UNC80: variants seen among roughly 807,000 people sequenced by gnomAD.
UNC80 encodes unc-80 subunit of NALCN channel complex.
UNC80 carries 164 observed loss-of-function variants against 384.6 expected under a neutral mutation model. The observed-to-expected ratio is 0.43, with a 90% CI of 0.38 to 0.49. The LOEUF is 0.49. Among genes scored for constraint, UNC80 ranks in the 20% least tolerant of loss-of-function variants. The pLI is 0.00. For missense variants in UNC80, 3,330 were observed against 4,143.0 expected, an observed-to-expected ratio of 0.80 and a Z score of 5.39; for synonymous variants, 1,486 against 1,527.8, an observed-to-expected ratio of 0.97 and a Z score of 0.64.
chr2:209,819,513 A>T (rs1366442394), intron 12 of UNC80, among the ~76,000 whole-genome samples: 2 of 152,154 alleles, frequency 1.3e-5, no homozygotes, highest in East Asian at 3.9e-4. Context: ...GTGAATCCTG[A>T]ATATACATAT....
chr2:209,846,731 T>G (rs577699602), intron 21 of UNC80, among the ~76,000 whole-genome samples: 6 of 152,164 alleles, frequency 3.9e-5, no homozygotes, highest in Admixed American at 2.0e-4. Flanking sequence ...GCTAAAAAAG[T>G]AATCGTTATG....
At chr2:209,842,958 A>G (rs1218924052) in intron 21 of UNC80, among the ~76,000 whole-genome samples, 1 of 152,198 alleles carries the variant, frequency 6.6e-6, no homozygotes, top group Admixed American at 6.5e-5. Context: ...CCTAGTTATG[A>G]TGTCTGTACC....
intron 28 of UNC80, among the ~76,000 whole-genome samples, chr2:209,903,886 T>C (rs554315200): frequency 3.3e-5 from 5 of 151,864 alleles, no homozygotes; most frequent in South Asian, 2.1e-4. Context: ...TGTGCTCTCT[T>C]TGTGTTCAAT....
Position 209,978,605 on chromosome 2 carries a change from C to T in UNC80, c.9015C>T (p.Ser3005=), listed in dbSNP as rs2125019229. The T allele has an allele frequency of 1.3e-6, 2 of 1,551,606 alleles. No individual in the cohort carries two copies. The highest frequency in any genetic ancestry group is 1.7e-4 in the Middle Eastern group (1 of 5,992). Reference sequence around the variant, plus strand: ...ACCGCCTGAGCTTGGCCACCATGTCCCGCTCTAACACGGGCACGGGCACTG... The same window carrying T: ...ACCGCCTGAGCTTGGCCACCATGTCTCGCTCTAACACGGGCACGGGCACTG... ...SAYRLSLATM[S]RSNTGTGTVW... is the part of the protein sequence containing the mutation. Residue 3005 remains serine (S), a synonymous_variant, in exon 59 of 65, where the codon TCC becomes TCT. Coordinates refer to ENST00000673920, the MANE Select transcript of UNC80 (RefSeq NM_001371986.1).
intron 47 of UNC80, among the ~76,000 whole-genome samples, chr2:209,946,379 AAAAG>A (rs1236256355): frequency 2.1e-4 from 32 of 151,970 alleles, no homozygotes; most frequent in African/African-American, 5.1e-4. Flanking sequence ...GAAAAAAAAA[AAAAG>A]AAAGAAAGAA....
chr2:209,855,825 T>C (rs1013192923), intron 22 of UNC80, among the ~76,000 whole-genome samples: 3 of 152,160 alleles, frequency 2.0e-5, no homozygotes, highest in African/African-American at 7.2e-5. Context: ...TGTTAATATG[T>C]TAATGTTTAC....
intron 47 of UNC80, among the ~76,000 whole-genome samples, chr2:209,950,561 CTTT>C (rs796509289): frequency 2.2e-5 from 3 of 135,748 alleles, no homozygotes; most frequent in Non-Finnish European, 3.2e-5. Flanking sequence ...CTACCTTTGG[CTTT>C]TTTTTTTTTT....
intron 22 of UNC80, among the ~76,000 whole-genome samples, chr2:209,871,164 A>C (rs1202889202): frequency 3.3e-5 from 5 of 152,222 alleles, no homozygotes; most frequent in Non-Finnish European, 7.3e-5. Context: ...ACATGGGACT[A>C]ATATCCCACT....
chr2:209,915,255 A>T (rs1455217449), intron 31 of UNC80, among the ~76,000 whole-genome samples: 1 of 151,954 alleles, frequency 6.6e-6, no homozygotes, highest in Non-Finnish European at 1.5e-5. Flanking sequence ...TACAAAAAAA[A>T]TTAGCCGGGC....
intron 61 of UNC80, among the ~76,000 whole-genome samples, chr2:209,986,040 G>A (rs1293481168): frequency 1.3e-5 from 2 of 152,132 alleles, no homozygotes; most frequent in African/African-American, 4.8e-5. Context: ...GGTAAATGTG[G>A]AAGTGCTGCA....
intron 63 of UNC80, among the ~76,000 whole-genome samples, chr2:209,993,788 T>A (rs1167170264): frequency 2.0e-5 from 3 of 152,198 alleles, no homozygotes; most frequent in Admixed American, 2.0e-4. Flanking sequence ...CTGTTGGCAG[T>A]TGTTATGAGG....
Position 209,995,714 on chromosome 2 carries a change from G to A in UNC80, c.*119G>A. On this transcript the variant is annotated 3_prime_UTR_variant, in exon 65 of 65. Coordinates refer to ENST00000673920, the MANE Select transcript of UNC80 (RefSeq NM_001371986.1). Reference sequence around the variant, plus strand: ...CAAAATAGCACTTTACTTCTAATGGGTGGCACAAATCTGAATAGGTTTTGC... The same window carrying A: ...CAAAATAGCACTTTACTTCTAATGGATGGCACAAATCTGAATAGGTTTTGC... 5.7e-6 allele frequency: 7 copies of A among 1,228,138 alleles called. No homozygotes were observed. In the East Asian group the frequency reaches 1.3e-4, roughly 22 times the overall value. The allele number at this position is 1,228,138 out of a possible 1,614,324, so 76.1% of individuals were successfully genotyped here.
At chr2:209,855,930 T>C (rs1285005034) in intron 22 of UNC80, among the ~76,000 whole-genome samples, 1 of 152,126 alleles carries the variant, frequency 6.6e-6, no homozygotes. Context: ...TTCTGGCTAA[T>C]TTTAGCAATG....
In UNC80 at chr2:209,954,273, A is replaced by C. The variant is rs779120626; in HGVS notation, c.7457+3A>C. On this transcript the variant is annotated splice_donor_region_variant and intron_variant, in intron 48 of 64. Coordinates refer to ENST00000673920, the MANE Select transcript of UNC80 (RefSeq NM_001371986.1). The stretch of plus-strand genomic sequence containing the variant: ...TACAGTGTAGAGGTCCTCACCAGGT[A>C]ATCCCATTGGCAGAAATAGCTACAG... 6.8e-7 allele frequency: 1 copy of C among 1,481,394 alleles called. No individual in the cohort carries two copies. The allele number at this position is 1,481,394 out of a possible 1,614,324, so 91.8% of individuals were successfully genotyped here. A position where few individuals can be genotyped will look rare whatever the true frequency, so the allele number is the denominator to read the frequency against.
intron 16 of UNC80, among the ~76,000 whole-genome samples, chr2:209,832,724 A>G: frequency 6.6e-6 from 1 of 152,216 alleles, no homozygotes; most frequent in East Asian, 1.9e-4. Flanking sequence ...CAGGTTGGTT[A>G]TAATATACAC....
At position 209,996,062 on chromosome 2, in the gene UNC80, A is replaced by G. The variant is rs1018709982; in HGVS notation, c.*467A>G. On this transcript the variant is annotated 3_prime_UTR_variant, in exon 65 of 65. Coordinates refer to ENST00000673920, the MANE Select transcript of UNC80 (RefSeq NM_001371986.1). Reference sequence around the variant, plus strand: ...TATACAAGTAGCAATTTACATAAAAAAATAATTAATAGGAAAAATATTACT... The same window carrying G: ...TATACAAGTAGCAATTTACATAAAAGAATAATTAATAGGAAAAATATTACT... The G allele has an allele frequency of 6.5e-6, 1 of 154,210 alleles. No individual in the cohort carries two copies. 9.6% of individuals were successfully genotyped at this position (154,210 alleles called of 1,614,324 possible).
chr2:209,842,701 C>G (rs565341892), intron 21 of UNC80, among the ~76,000 whole-genome samples: 22 of 152,174 alleles, frequency 1.4e-4, no homozygotes, highest in Non-Finnish European at 3.2e-4. Context: ...TTCTGCTGTT[C>G]TATCCTTTAT....
At chr2:209,847,615 G>A (rs761188929) in intron 21 of UNC80, among the ~76,000 whole-genome samples, 8 of 151,836 alleles carry the variant, frequency 5.3e-5, no homozygotes, top group Non-Finnish European at 8.8e-5. Context: ...TCCCTTAACT[G>A]CATTATTTCT....
intron 47 of UNC80, among the ~76,000 whole-genome samples, chr2:209,946,891 G>T (rs1324968277): frequency 6.6e-6 from 1 of 152,176 alleles, no homozygotes; most frequent in East Asian, 1.9e-4. Context: ...ATGAATAAGG[G>T]CCAGGAGGAG....
Sources: allele counts gnomAD v4.1 joint callset (sites outside exome capture counted in the v4.1 genomes callset), GRCh38; gene constraint gnomAD v4.1.1; transcripts MANE v1.5; gene names NCBI Gene and HGNC (gene_info 2026-07-23, HGNC 2026-07-21).